Variants in ACER2 observed in about 807,000 individuals in gnomAD.
The protein encoded by ACER2 is alkaline ceramidase 2, also known as alkCDase 2.
ACER2 carries 26 observed loss-of-function variants against 34.7 expected under a neutral mutation model. That is an observed-to-expected ratio of 0.75 (90% CI 0.55 to 1.04). ACER2 has a LOEUF of 1.04. Among genes scored for constraint, ACER2 ranks in the 50% least tolerant of loss-of-function variants. ACER2 has a pLI of 0.00. For synonymous variants in ACER2, 138 were observed against 132.1 expected (o/e 1.04, Z -0.31); for missense variants, 352 against 340.8 (o/e 1.03, Z -0.26).
chr9:19,410,417 A>C (rs1441248505), intron 1 of ACER2, among the ~76,000 whole-genome samples: 1 of 152,190 alleles, frequency 6.6e-6, no homozygotes, highest in African/African-American at 2.4e-5. Flanking sequence ...TGGTTCCTTA[A>C]GAAAACCTAA....
chr9:19,438,605 T>C (rs144182524), intron 4 of ACER2, among the ~76,000 whole-genome samples: 170 of 152,340 alleles, frequency 1.1e-3, no homozygotes, highest in Middle Eastern at 0.01. Context: ...TTTCCATTTG[T>C]AGCATGCAGT....
At chr9:19,439,964 G>A (rs937693785) in intron 4 of ACER2, among the ~76,000 whole-genome samples, 1 of 152,102 alleles carries the variant, frequency 6.6e-6, no homozygotes, top group Non-Finnish European at 1.5e-5. Flanking sequence ...AACAGAGCAA[G>A]ACTCCATCCC....
At chr9:19,432,912 A>G (rs1183053078) in intron 3 of ACER2, among the ~76,000 whole-genome samples, 1 of 151,332 alleles carries the variant, frequency 6.6e-6, no homozygotes, top group Non-Finnish European at 1.5e-5. Context: ...AAAACCCTTC[A>G]TAGAAAAAAA....
At chr9:19,436,468 C>T (rs924298372) in intron 4 of ACER2, among the ~76,000 whole-genome samples, 2 of 152,038 alleles carry the variant, frequency 1.3e-5, no homozygotes, top group African/African-American at 2.4e-5. Context: ...ACCAAACCTG[C>T]CATTTGATAA....
chr9:19,413,218 T>G (rs919589837), intron 1 of ACER2, among the ~76,000 whole-genome samples: 4 of 152,254 alleles, frequency 2.6e-5, no homozygotes, highest in Non-Finnish European at 5.9e-5. Context: ...TGTAATTTCC[T>G]TTCACAGCCT....
At chr9:19,423,419 G>C (rs1479713542) in intron 1 of ACER2, among the ~76,000 whole-genome samples, 1 of 152,094 alleles carries the variant, frequency 6.6e-6, no homozygotes, top group Non-Finnish European at 1.5e-5. Flanking sequence ...AAGTGTCAGA[G>C]GCTGGGTGTG....
rs1014502461 is a variant in ACER2, at chr9:19,449,840, C to T, written c.642-610C>T. The stretch of plus-strand genomic sequence containing the variant: ...CCAGGAGGCAGAGGTTGCAGTGAGC[C>T]GAGATTGCACCATTGCACTCCAGCC... On this transcript the variant is annotated intron_variant, in intron 5 of 5. Coordinates refer to ENST00000340967, the MANE Select transcript of ACER2 (RefSeq NM_001010887.3). Among the ~76,000 whole-genome samples, 3 of 147,440 alleles carry T rather than the reference C, an allele frequency of 2.0e-5. No homozygotes were observed. In the Admixed American group the frequency reaches 2.1e-4, roughly 10 times the overall value.
At chr9:19,436,197 G>A (rs1830967869) in intron 4 of ACER2, among the ~76,000 whole-genome samples, 1 of 151,896 alleles carries the variant, frequency 6.6e-6, no homozygotes, top group Non-Finnish European at 1.5e-5. Flanking sequence ...GATTGCAGGT[G>A]TGAGCCACTG....
intron 4 of ACER2, among the ~76,000 whole-genome samples, chr9:19,445,604 G>T (rs1261499960): frequency 1.3e-5 from 2 of 152,246 alleles, no homozygotes; most frequent in East Asian, 3.8e-4. Flanking sequence ...TTCCAGGCAA[G>T]AGGGCACAGT....
At chr9:19,446,979 A>G (rs928313620) in intron 5 of ACER2, among the ~76,000 whole-genome samples, 3 of 152,166 alleles carry the variant, frequency 2.0e-5, no homozygotes, top group Admixed American at 6.5e-5. Flanking sequence ...GTTCAGTAAT[A>G]GCACATTGGA....
intron 1 of ACER2, among the ~76,000 whole-genome samples, chr9:19,409,439 A>C (rs10964122): frequency 6.6e-6 from 1 of 151,756 alleles, no homozygotes; most frequent in Non-Finnish European, 1.5e-5. Flanking sequence ...TGATGGTCCT[A>C]TTGTCTTGTT....
At chr9:19,434,860 G>T in intron 3 of ACER2, 87 bp from the exon 4 acceptor site, 1 of 1,515,716 alleles carries the variant, frequency 6.6e-7, no homozygotes. Flanking sequence ...TGTATTTCTG[G>T]CAATGCCTGT....
rs1434696677 is a variant in ACER2 at position 19,446,311 on chromosome 9, C to T, written c.534C>T (p.Gly178=). ...ACAACATGCGTGTGTTTAAGCTGGGCCTCTTCTCGGGCCTCTGGTGGACCC... is the reference window on the plus strand; with the variant it reads ...ACAACATGCGTGTGTTTAAGCTGGGTCTCTTCTCGGGCCTCTGGTGGACCC... ...RCDNMRVFKL[G]LFSGLWWTLA... is the part of the protein sequence containing the mutation. Residue 178 remains glycine, a synonymous_variant, in exon 5 of 6, where the codon GGC becomes GGT. Transcript: ENST00000340967. The T allele has an allele frequency of 8.1e-6, 13 of 1,614,150 alleles. No homozygotes were observed. The highest frequency in any genetic ancestry group is 1.0e-5 in the Non-Finnish European group (12 of 1,180,030).
At chr9:19,411,049 G>A (rs1346828302) in intron 1 of ACER2, among the ~76,000 whole-genome samples, 2 of 152,208 alleles carry the variant, frequency 1.3e-5, no homozygotes, top group African/African-American at 2.4e-5. Flanking sequence ...AAAAGCTAGT[G>A]TATGGCTTCT....
rs1298999856 is a variant in ACER2 at position 19,452,478 on chromosome 9, T to C, written c.*1842T>C. On this transcript the variant is annotated 3_prime_UTR_variant, in exon 6 of 6. Coordinates refer to ENST00000340967, the MANE Select transcript of ACER2 (RefSeq NM_001010887.3). ...GAACCCCAGTGTGTGAAGTAAATTG[T>C]ATGTTATTAAATTTATTTAAGGTTA... Among the ~76,000 whole-genome samples the C allele has an allele frequency of 6.6e-5, 10 of 152,224 alleles. No individual in the cohort carries two copies. Among genetic ancestry groups the C allele is most frequent in the African/African-American group, 2.2e-4 (9 of 41,458 alleles).
At chr9:19,442,873 C>T (rs1831202611) in intron 4 of ACER2, among the ~76,000 whole-genome samples, 3 of 151,604 alleles carry the variant, frequency 2.0e-5, no homozygotes, top group Admixed American at 2.0e-4. Flanking sequence ...CGCTCTGTCG[C>T]CCAGGCTGGA....
Position 19,413,753 on chromosome 9 carries a change from C to T in ACER2, c.108+4561C>T, listed in dbSNP as rs10811179. Among the ~76,000 whole-genome samples the T allele has an allele frequency of 8.3e-4, 126 of 152,138 alleles. 2 individuals carry two copies. In the South Asian group the frequency reaches 0.023, roughly 28 times the overall value. Reference sequence around the variant, plus strand: ...TGAGGACAGAAGAAAGTCAACTGATCGCTGAAAAGAATCTTGAAGCAAAAT... The same window carrying T: ...TGAGGACAGAAGAAAGTCAACTGATTGCTGAAAAGAATCTTGAAGCAAAAT... On this transcript the variant is annotated intron_variant, in intron 1 of 5. Transcript: ENST00000340967.
chr9:19,447,469 G>A (rs745487013), intron 5 of ACER2, among the ~76,000 whole-genome samples: 1 of 152,160 alleles, frequency 6.6e-6, no homozygotes, highest in African/African-American at 2.4e-5. Context: ...ACAAGTTGGA[G>A]TTTACCGTCT....
rs184031916 is a variant in ACER2 at position 19,435,950 on chromosome 9, G to C, written c.503+866G>C. ...TGTAGTCCCAGCTACTTGGGAGGCT[G>C]AGGCAGGAGAATGGTGTGAACCCGG... On this transcript the variant is annotated intron_variant, in intron 4 of 5. Transcript: ENST00000340967. Among the ~76,000 whole-genome samples the C allele has an allele frequency of 7.4e-3, 1,119 of 152,228 alleles. 7 individuals are homozygous for C. The highest frequency in any genetic ancestry group is 0.011 in the Non-Finnish European group (761 of 68,020).
Sources: gnomAD v4.1 joint callset for allele counts (sites outside exome capture counted in the v4.1 genomes callset) on GRCh38, gnomAD v4.1.1 for gene constraint, MANE v1.5 for transcripts, NCBI Gene and HGNC (gene_info 2026-07-23, HGNC 2026-07-21) for gene names.